The following GTF2A2 variants were observed in gnomAD, a reference collection of about 807,000 sequenced individuals.
GTF2A2 encodes the protein general transcription factor IIA subunit 2, also known as transcription initiation factor IIA subunit 2.
GTF2A2 carries 9 observed loss-of-function variants against 14.3 expected under a neutral mutation model. The observed-to-expected ratio is 0.63, with a 90% confidence interval of 0.38 to 1.10. The LOEUF is 1.10. GTF2A2 is among the 50% of genes least tolerant of loss of function. The probability of loss-of-function intolerance (pLI) is 0.01; values close to 1 mark genes in which losing one functional copy is unlikely to be tolerated. For missense variants in GTF2A2, 90 were observed against 124.6 expected (o/e 0.72, Z 1.32); for synonymous variants, 56 against 46.0 (o/e 1.22, Z -0.88).
At chr15:59,653,364 A>G (rs1200418846) in intron 1 of GTF2A2, among the ~76,000 whole-genome samples, 4 of 152,238 alleles carry the variant, frequency 2.6e-5, no homozygotes, top group African/African-American at 7.2e-5. Flanking sequence ...CAATCATCAG[A>G]TAAAACTCAG....
chr15:59,651,207 C>A (rs1218790130), intron 2 of GTF2A2: 1 of 149,544 alleles, frequency 6.7e-6, no homozygotes, highest in African/African-American at 2.5e-5. Flanking sequence ...GACGGAGTTT[C>A]GCTCTTGTTC....
intron 4 of GTF2A2, among the ~76,000 whole-genome samples, chr15:59,639,659 CA>C (rs1891329093): frequency 1.3e-5 from 2 of 152,056 alleles, no homozygotes; most frequent in South Asian, 4.2e-4. Flanking sequence ...GGGGTTTCAC[CA>C]TGTTAGCCAG....
chr15:59,639,505 G>A (rs1595665109), intron 4 of GTF2A2, among the ~76,000 whole-genome samples: 1 of 142,408 alleles, frequency 7.0e-6, no homozygotes, highest in Admixed American at 7.4e-5. Flanking sequence ...CTGTTGCCCA[G>A]GCTGGAGTGC....
intron 3 of GTF2A2, among the ~76,000 whole-genome samples, chr15:59,647,126 T>C (rs910893015): frequency 5.9e-5 from 9 of 152,160 alleles, no homozygotes; most frequent in African/African-American, 1.9e-4. Context: ...AGGGTCTAGC[T>C]GTGTCACCCA....
intron 4 of GTF2A2, among the ~76,000 whole-genome samples, chr15:59,640,599 C>A (rs1891382701): frequency 6.6e-6 from 1 of 152,152 alleles, no homozygotes; most frequent in South Asian, 2.1e-4. Flanking sequence ...TTGGAAAATG[C>A]AACAGAACAT....
At chr15:59,651,579 T>C (rs775562469) in intron 2 of GTF2A2, 3 of 152,204 alleles carry the variant, frequency 2.0e-5, no homozygotes, top group Non-Finnish European at 4.4e-5. Context: ...AAGACTTAAA[T>C]TGGACAAAAC....
chr15:59,642,533 C>T (rs927247579), intron 3 of GTF2A2, among the ~76,000 whole-genome samples: 2 of 152,072 alleles, frequency 1.3e-5, no homozygotes, highest in East Asian at 1.9e-4. Flanking sequence ...TAAAAACTTG[C>T]GTTTGTATTT....
chr15:59,643,913 G>GAGAT (rs1467110821), intron 3 of GTF2A2, among the ~76,000 whole-genome samples: 8 of 151,344 alleles, frequency 5.3e-5, no homozygotes, highest in East Asian at 3.9e-4. Flanking sequence ...TTATTTTTTT[G>GAGAT]AGATAGAGTC....
At position 59,639,173 on chromosome 15, in the gene GTF2A2, GAAAGT is replaced by G. The variant is rs145493984; in HGVS notation, c.305-21_305-17del. The G allele has an allele frequency of 0.049, 68,739 of 1,402,876 alleles. 4,837 individuals are homozygous for G. Among genetic ancestry groups the G allele is most frequent in the East Asian group, 0.28 (11,838 of 42,936 alleles). The allele number at this position is 1,402,876 out of a possible 1,614,324, so 86.9% of individuals were successfully genotyped here. On this transcript the variant is annotated splice_polypyrimidine_tract_variant and intron_variant, in intron 4 of 4. Coordinates refer to ENST00000396060, the MANE Select transcript of GTF2A2 (RefSeq NM_004492.3). ...GAGCCAGTATCTAGGAAACAAAAGA[GAAAGT>G]AAAGTAAAGTAAATTCAAGGAGCAA...
chr15:59,645,599 T>C lies in GTF2A2; in HGVS notation c.178-3337A>G, dbSNP rs376230134. ...GACGTTAAGGGAAAAAGACACAAAATTGTAAGCCTATAAAATATATTTAAA... is the reference window on the plus strand; with the variant it reads ...GACGTTAAGGGAAAAAGACACAAAACTGTAAGCCTATAAAATATATTTAAA... On this transcript the variant is annotated intron_variant, in intron 3 of 4. Transcript: ENST00000396060. Among the ~76,000 whole-genome samples the C allele has an allele frequency of 3.1e-4, 47 of 152,196 alleles. 1 individual carries two copies. In the South Asian group the frequency reaches 3.7e-3, roughly 12 times the overall value.
chr15:59,649,207 A>G lies in GTF2A2; in HGVS notation c.177+1462T>C, dbSNP rs74019655. Among the ~76,000 whole-genome samples the G allele has an allele frequency of 3.8e-3, 586 of 152,344 alleles. 2 individuals carry two copies. Among genetic ancestry groups the G allele is most frequent in the African/African-American group, 0.014 (572 of 41,582 alleles). ...AAATTGATCAAGTTGGCTGTAACCC[A>G]GGAGTAGGGTGATAAAAAGCGTGAG... is the stretch of plus-strand genomic sequence containing the variant. On this transcript the variant is annotated intron_variant, in intron 3 of 4. Coordinates refer to ENST00000396060, the MANE Select transcript of GTF2A2 (RefSeq NM_004492.3).
intron 4 of GTF2A2, among the ~76,000 whole-genome samples, chr15:59,639,551 C>A (rs966797135): frequency 6.6e-6 from 1 of 151,386 alleles, no homozygotes; most frequent in Non-Finnish European, 1.5e-5. Context: ...GGCTCTGCCC[C>A]CCGGGGGTTC....
At chr15:59,644,452 A>G (rs948567992) in intron 3 of GTF2A2, 3 of 152,232 alleles carry the variant, frequency 2.0e-5, no homozygotes, top group Non-Finnish European at 4.4e-5. Flanking sequence ...CTATGAATGA[A>G]TGAATATAAT....
intron 4 of GTF2A2, 32 bp from the exon 5 acceptor site, chr15:59,639,189 A>AAATTCAAGGAGCAATTTAAT: frequency 7.9e-7 from 1 of 1,264,110 alleles, no homozygotes. Context: ...AAAGTAAAGT[A>AAATTCAAGGAGCAATTTAAT]AATTCAAGGA....
chr15:59,642,108 C>T (rs1162971207), intron 4 of GTF2A2, 28 bp downstream of exon 4: 3 of 1,581,442 alleles, frequency 1.9e-6, no homozygotes, highest in Non-Finnish European at 1.7e-6. Context: ...TTTCAAGTAG[C>T]TTTCACAGAA....
Position 59,642,156 on chromosome 15 carries a change from A to C in GTF2A2, c.284T>G (p.Ile95Ser), listed in dbSNP as rs759114302. The C allele has an allele frequency of 6.2e-7, 1 of 1,607,820 alleles. No homozygotes were observed. The highest frequency in any genetic ancestry group is 8.5e-7 in the Non-Finnish European group (1 of 1,177,608). The part of the protein sequence containing the change: ...TELIKVDKVK[I>S]VACDGKNTGS... ...CTTACTTTTACCATCACAGGCTACA[A>C]TTTTCACTTTATCCACTTTAATAAG... The change falls in exon 4 of 5, where the codon ATT becomes AGT. Residue 95 changes from isoleucine to serine, a missense_variant. By Grantham distance (142) the Ile-to-Ser change is moderately radical. Coordinates refer to ENST00000396060, the MANE Select transcript of GTF2A2 (RefSeq NM_004492.3).
chr15:59,647,746 T>C (rs1046106205), intron 3 of GTF2A2, among the ~76,000 whole-genome samples: 15 of 152,212 alleles, frequency 9.9e-5, no homozygotes, highest in Admixed American at 6.5e-4. Flanking sequence ...GCCCAGCTCA[T>C]TTTAGTAAAG....
intron 3 of GTF2A2, among the ~76,000 whole-genome samples, chr15:59,648,294 G>A (rs1003016143): frequency 6.7e-6 from 1 of 149,822 alleles, no homozygotes; most frequent in Non-Finnish European, 1.5e-5. Flanking sequence ...TGTAATCCCA[G>A]CTATTCAGGA....
chr15:59,638,413 T>C lies in GTF2A2; in HGVS notation c.*719A>G, dbSNP rs1277724227. ...TGACATAAAAGTCTAATAATTAGAC[T>C]TTATTGTAAGTCTAATGTATCTTGT... On this transcript the variant is annotated 3_prime_UTR_variant, in exon 5 of 5. Coordinates refer to ENST00000396060, the MANE Select transcript of GTF2A2 (RefSeq NM_004492.3). 1.3e-5 allele frequency: 2 copies of C among 150,362 alleles called. No individual in the cohort carries two copies. Among genetic ancestry groups the C allele is most frequent in the African/African-American group, 4.8e-5 (2 of 41,302 alleles). 9.3% of individuals were successfully genotyped at this position (150,362 alleles called of 1,614,324 possible). A position where few individuals can be genotyped will look rare whatever the true frequency, so the allele number is the denominator to read the frequency against.
Sources: allele counts gnomAD v4.1 joint callset (sites outside exome capture counted in the v4.1 genomes callset), GRCh38; gene constraint gnomAD v4.1.1; transcripts MANE v1.5; gene names NCBI Gene and HGNC (gene_info 2026-07-23, HGNC 2026-07-21).